PCDHGA7: variants seen among roughly 807,000 people sequenced by gnomAD.
PCDHGA7 encodes the protein protocadherin gamma-A7.
In PCDHGA7, 44 loss-of-function variants were observed where a neutral mutation model predicts 58.3. The ratio of observed to expected loss-of-function variants is 0.75; its 90% CI spans 0.59 to 0.97. The LOEUF (loss-of-function observed/expected upper bound fraction) is 0.97. Among genes scored for constraint, PCDHGA7 ranks in the 50% least tolerant of loss-of-function variants. The pLI, the probability that PCDHGA7 is intolerant of heterozygous loss-of-function variation, is 0.00. For synonymous variants in PCDHGA7, 516 were observed against 504.2 expected, an observed-to-expected ratio of 1.02 and a Z score of -0.31; for missense variants, 1,266 against 1,188.7, an observed-to-expected ratio of 1.06 and a Z score of -0.96.
chr5:141,433,571 C>T lies in PCDHGA7; in HGVS notation c.2424+48248C>T, dbSNP rs2097625242. ...TCTTTTCTGGCTGGGCGCGGTGGCT[C>T]ACGCCTGTAATCCCAGTACTTTGGG... On this transcript the variant is annotated intron_variant, in intron 1 of 3. Coordinates refer to ENST00000518325, the MANE Select transcript of PCDHGA7 (RefSeq NM_018920.4). 3.9e-5 allele frequency among the ~76,000 whole-genome samples: 6 copies of T among 152,228 alleles called. No homozygotes were observed. The South Asian group carries it at 1.2e-3, about 32-fold the overall frequency.
chr5:141,499,689 CTTTTTTTTT>C (rs545067566), intron 2 of PCDHGA7, among the ~76,000 whole-genome samples: 2 of 119,856 alleles, frequency 1.7e-5, no homozygotes, highest in African/African-American at 6.2e-5. Flanking sequence ...TAACAGATGA[CTTTTTTTTT>C]TTTTTTTTTT....
In PCDHGA7 at chr5:141,476,714, C is replaced by G. The variant is rs146188020; in HGVS notation, c.2425-18093C>G. 3.1e-6 allele frequency: 5 copies of G among 1,614,036 alleles called. No individual in the cohort carries two copies. Among genetic ancestry groups the G allele is most frequent in the African/African-American group, 2.7e-5 (2 of 74,938 alleles). ...CAAGTACGCGGAGCTGGTGTTGGAGCGCGCCCTGGACCGAGAACGGGAGCC... is the reference window on the plus strand; with the variant it reads ...CAAGTACGCGGAGCTGGTGTTGGAGGGCGCCCTGGACCGAGAACGGGAGCC... On this transcript the variant is annotated intron_variant, in intron 1 of 3. Transcript: ENST00000518325. This position sits in a 1 kb window ranked among gnomAD's most constrained non-coding sequence, Gnocchi z 7.6.
At chr5:141,429,801 C>T (rs2097245893) in intron 1 of PCDHGA7, among the ~76,000 whole-genome samples, 1 of 152,104 alleles carries the variant, frequency 6.6e-6, no homozygotes, top group African/African-American at 2.4e-5. Flanking sequence ...CAGTAATTCT[C>T]AGTAATTACA....
intron 1 of PCDHGA7, among the ~76,000 whole-genome samples, chr5:141,438,745 T>C (rs1004731034): frequency 4.7e-5 from 7 of 147,392 alleles, no homozygotes; most frequent in Non-Finnish European, 1.0e-4. Flanking sequence ...CACTGCAACC[T>C]CTGCCTCCTG....
At chr5:141,430,084 A>G (rs538721051) in intron 1 of PCDHGA7, among the ~76,000 whole-genome samples, 2 of 152,292 alleles carry the variant, frequency 1.3e-5, no homozygotes, top group Admixed American at 1.3e-4. Context: ...AATATCATGA[A>G]AATTTGATTT....
intron 1 of PCDHGA7, chr5:141,404,217 T>C (rs1188874623): frequency 6.2e-7 from 1 of 1,613,588 alleles, no homozygotes; most frequent in Non-Finnish European, 8.5e-7. Context: ...AATATCACGG[T>C]GACTGCAACA....
chr5:141,393,555 C>G, intron 1 of PCDHGA7: 6 of 1,613,928 alleles, frequency 3.7e-6, no homozygotes, highest in Non-Finnish European at 5.1e-6. Flanking sequence ...CCCGATTTAC[C>G]GAGTGAAAGT....
chr5:141,486,391 C>T lies in PCDHGA7; in HGVS notation c.2425-8416C>T. The T allele has an allele frequency of 6.2e-7, 1 of 1,614,112 alleles. No individual in the cohort carries two copies. The highest frequency in any genetic ancestry group is 8.5e-7 in the Non-Finnish European group (1 of 1,179,984). Reference sequence around the variant, plus strand: ...AGTCTGCCTTCAGGAACCAGTTCTCCCTGGTGACTGCTGGACCCTTGGATC... The same window carrying T: ...AGTCTGCCTTCAGGAACCAGTTCTCTCTGGTGACTGCTGGACCCTTGGATC... On this transcript the variant is annotated intron_variant, in intron 1 of 3. Transcript: ENST00000518325. The surrounding 1 kb of genome is among the most constrained non-coding windows in gnomAD (Gnocchi z 5.0).
intron 1 of PCDHGA7, chr5:141,418,683 CAG>C: frequency 6.2e-7 from 1 of 1,614,048 alleles, no homozygotes; most frequent in African/African-American, 1.3e-5. Flanking sequence ...GGCATCAACT[CAG>C]AGATCACTTA....
Position 141,431,829 on chromosome 5 carries a change from C to T in PCDHGA7, c.2424+46506C>T, listed in dbSNP as rs758915768. On this transcript the variant is annotated intron_variant, in intron 1 of 3. Transcript: ENST00000518325. The surrounding 1 kb of genome is among the most constrained non-coding windows in gnomAD (Gnocchi z 4.8). ...CTCACCTCTCTCGCCAGCTCGGTTC[C>T]CGAAAACTCTCCCAGAGGGACATTA... The T allele has an allele frequency of 1.9e-6, 3 of 1,613,928 alleles. No individual in the cohort carries two copies. The highest frequency in any genetic ancestry group is 2.2e-5 in the South Asian group (2 of 91,090).
At position 141,511,648 on chromosome 5, in the gene PCDHGA7, G is replaced by T. The variant is rs553080689; in HGVS notation, c.*475G>T. The T allele has an allele frequency of 1.4e-5, 3 of 214,700 alleles. No homozygotes were observed. Among genetic ancestry groups the T allele is most frequent in the East Asian group, 2.1e-4 (2 of 9,414 alleles). The allele number at this position is 214,700 out of a possible 1,614,324, so 13.3% of individuals were successfully genotyped here. A position where few individuals can be genotyped will look rare whatever the true frequency, so the allele number is the denominator to read the frequency against. On this transcript the variant is annotated 3_prime_UTR_variant, in exon 4 of 4. Coordinates refer to ENST00000518325, the MANE Select transcript of PCDHGA7 (RefSeq NM_018920.4). ...AGTTGGAAGGGCATCATGACCTCTTGGCCTCTCCTTTGATTCTCAATCTTC... is the reference window on the plus strand; with the variant it reads ...AGTTGGAAGGGCATCATGACCTCTTTGCCTCTCCTTTGATTCTCAATCTTC...
In PCDHGA7 at chr5:141,399,495, T is replaced by G. The variant is rs779594817; in HGVS notation, c.2424+14172T>G. On this transcript the variant is annotated intron_variant, in intron 1 of 3. Transcript: ENST00000518325. ...TCCACCAGGCGTCCTACTTAGTCAGTGTACCCGAAAACAACCCTCCTGGGG... is the reference window on the plus strand; with the variant it reads ...TCCACCAGGCGTCCTACTTAGTCAGGGTACCCGAAAACAACCCTCCTGGGG... 1.1e-5 allele frequency: 18 copies of G among 1,613,916 alleles called. No individual in the cohort carries two copies. Among genetic ancestry groups the G allele is most frequent in the Non-Finnish European group, 1.5e-5 (18 of 1,179,912 alleles).
intron 1 of PCDHGA7, among the ~76,000 whole-genome samples, chr5:141,482,760 C>CAGCTGTG (rs1363796107): frequency 2.1e-5 from 3 of 141,084 alleles, no homozygotes; most frequent in African/African-American, 5.7e-5. Flanking sequence ...TATGGTATTT[C>CAGCTGTG]ATTATCACTG....
At chr5:141,387,016 T>C (rs2090783508) in intron 1 of PCDHGA7, among the ~76,000 whole-genome samples, 1 of 152,202 alleles carries the variant, frequency 6.6e-6, no homozygotes, top group South Asian at 2.1e-4. Flanking sequence ...ACTTTGAAGA[T>C]GAATGTTGTA....
In PCDHGA7 at chr5:141,419,882, T is replaced by A. The variant is rs145814583; in HGVS notation, c.2424+34559T>A. ...TAGCTTGCAAGAGGTACTGCCGGAT[T>A]TCAGCGACCATCCCACACCCTCTGA... On this transcript the variant is annotated intron_variant, in intron 1 of 3. Transcript: ENST00000518325. The A allele has an allele frequency of 4.9e-3, 7,980 of 1,614,092 alleles. 44 individuals carry two copies. Among genetic ancestry groups the A allele is most frequent in the Admixed American group, 9.4e-3 (567 of 60,032 alleles).
At chr5:141,413,271 C>T in intron 1 of PCDHGA7, 1 of 1,613,940 alleles carries the variant, frequency 6.2e-7, no homozygotes, top group Non-Finnish European at 8.5e-7. Flanking sequence ...AGGCTGGAGC[C>T]CGGCAGATCT....
rs1416883218 is a variant in PCDHGA7, at chr5:141,428,027, G to A, written c.2424+42704G>A. On this transcript the variant is annotated intron_variant, in intron 1 of 3. Coordinates refer to ENST00000518325, the MANE Select transcript of PCDHGA7 (RefSeq NM_018920.4). ...TCGATATAGTGCCACGCGCCGCAGAGTCCGGCTACCTGGTGACCAAGGTGG... is the reference window on the plus strand; with the variant it reads ...TCGATATAGTGCCACGCGCCGCAGAATCCGGCTACCTGGTGACCAAGGTGG... 1.9e-6 allele frequency: 3 copies of A among 1,606,742 alleles called. No homozygotes were observed. The Admixed American group carries it at 5.0e-5, about 27-fold the overall frequency.
At chr5:141,416,913 G>C (rs2096067624) in intron 1 of PCDHGA7, 1 of 151,920 alleles carries the variant, frequency 6.6e-6, no homozygotes, top group South Asian at 2.1e-4. Context: ...ACACTCTTTA[G>C]GGTCATAGTT....
At chr5:141,410,178 C>G in intron 1 of PCDHGA7, 2 of 1,613,890 alleles carry the variant, frequency 1.2e-6, no homozygotes, top group South Asian at 1.1e-5. Flanking sequence ...GCCACCGCCA[C>G]GCTTCATCTG....
Sources: allele counts gnomAD v4.1 joint callset (sites outside exome capture counted in the v4.1 genomes callset), GRCh38; gene constraint gnomAD v4.1.1; non-coding constraint Gnocchi (gnomAD v3.1); transcripts MANE v1.5; gene names NCBI Gene and HGNC (gene_info 2026-07-23, HGNC 2026-07-21).